SMARCC1: variants seen among roughly 807,000 people sequenced by gnomAD.
SMARCC1 encodes the protein SWI/SNF complex subunit SMARCC1.
Under a neutral mutation model 147.4 loss-of-function variants are expected in SMARCC1, and 43 were observed. That is an observed-to-expected ratio of 0.29 (90% CI 0.23 to 0.38). The LOEUF (loss-of-function observed/expected upper bound fraction) is 0.38. Ranked by LOEUF, SMARCC1 falls within the 10% of genes least tolerant of loss-of-function variation. The pLI is 1.00. For missense variants in SMARCC1, 1,119 were observed against 1,381.1 expected (o/e 0.81, Z 3.01); for synonymous variants, 495 against 484.4 (o/e 1.02, Z -0.29).
chr3:47,778,428 T>A (rs113001293), intron 1 of SMARCC1, among the ~76,000 whole-genome samples: 6,323 of 151,956 alleles, frequency 0.042, 443 homozygotes, highest in African/African-American at 0.14. Context: ...CCAAGGACCC[T>A]GCCTCAGCCA....
intron 2 of SMARCC1, among the ~76,000 whole-genome samples, chr3:47,752,168 A>T (rs1463273290): frequency 6.6e-6 from 1 of 152,216 alleles, no homozygotes; most frequent in Non-Finnish European, 1.5e-5. Context: ...CCATACATCA[A>T]GGATTCTTAC....
intron 21 of SMARCC1, among the ~76,000 whole-genome samples, chr3:47,640,255 G>GA (rs1029684855): frequency 1.5e-4 from 23 of 151,044 alleles, no homozygotes; most frequent in African/African-American, 5.1e-4. Context: ...AAAGAAAATA[G>GA]AAAAAAAATA....
chr3:47,631,316 A>G (rs2032887376), intron 24 of SMARCC1, among the ~76,000 whole-genome samples: 1 of 152,200 alleles, frequency 6.6e-6, no homozygotes, highest in East Asian at 1.9e-4. Flanking sequence ...AAACGTATAT[A>G]TGAGGTGGTT....
At chr3:47,691,421 C>T (rs1293874064) in intron 12 of SMARCC1, among the ~76,000 whole-genome samples, 1 of 151,748 alleles carries the variant, frequency 6.6e-6, no homozygotes, top group Admixed American at 6.6e-5. Context: ...CAAGACCAAC[C>T]TGGCCAACAT....
At chr3:47,637,887 A>G (rs1265784849) in intron 22 of SMARCC1, among the ~76,000 whole-genome samples, 3 of 152,206 alleles carry the variant, frequency 2.0e-5, no homozygotes, top group African/African-American at 7.2e-5. Flanking sequence ...ACTAGTGGGA[A>G]TCTTTGATTT....
chr3:47,703,833 G>A (rs945894765), intron 10 of SMARCC1, among the ~76,000 whole-genome samples: 1 of 152,156 alleles, frequency 6.6e-6, no homozygotes, highest in Admixed American at 6.6e-5. Flanking sequence ...GTCTTCCTCT[G>A]TCACCCAGGC....
intron 17 of SMARCC1, 142 bp downstream of exon 17, chr3:47,676,487 C>A: frequency 3.1e-6 from 2 of 651,036 alleles, no homozygotes; most frequent in Non-Finnish European, 5.1e-6. Context: ...TTACAGTACA[C>A]CAAAATACAC....
intron 19 of SMARCC1, among the ~76,000 whole-genome samples, chr3:47,665,852 CTTT>C (rs764505361): frequency 2.1e-5 from 3 of 143,114 alleles, no homozygotes; most frequent in Non-Finnish European, 1.5e-5. Context: ...CACTCACTCT[CTTT>C]TTTTTTTTTT....
intron 2 of SMARCC1, among the ~76,000 whole-genome samples, chr3:47,757,951 G>A (rs1468803730): frequency 6.6e-6 from 1 of 151,912 alleles, no homozygotes; most frequent in Non-Finnish European, 1.5e-5. Context: ...ACAACCAAAA[G>A]AAACATCTAA....
intron 19 of SMARCC1, chr3:47,663,786 C>T: frequency 6.3e-7 from 1 of 1,577,890 alleles, no homozygotes. Context: ...GCCACGGCGG[C>T]CGCCCTCACC....
At chr3:47,686,861 TG>T (rs1239313509) in intron 13 of SMARCC1, among the ~76,000 whole-genome samples, 1 of 152,132 alleles carries the variant, frequency 6.6e-6, no homozygotes, top group African/African-American at 2.4e-5. Flanking sequence ...GGTACATGCC[TG>T]TAGTCCCAGC....
intron 19 of SMARCC1, among the ~76,000 whole-genome samples, chr3:47,664,909 T>C (rs1214286767): frequency 6.6e-6 from 1 of 151,874 alleles, no homozygotes; most frequent in African/African-American, 2.4e-5. Context: ...TAGAGCCTAA[T>C]TTGCTGCTCT....
At chr3:47,673,081 A>G (rs1001638742) in intron 18 of SMARCC1, among the ~76,000 whole-genome samples, 9 of 152,088 alleles carry the variant, frequency 5.9e-5, no homozygotes, top group Non-Finnish European at 1.2e-4. Context: ...ATATGATTTT[A>G]AAATATTTTT....
chr3:47,643,563 G>A (rs760214214), intron 21 of SMARCC1, among the ~76,000 whole-genome samples: 1 of 151,754 alleles, frequency 6.6e-6, no homozygotes, highest in Admixed American at 6.6e-5. Context: ...AGTCTGACAC[G>A]GTCATTTAGA....
intron 11 of SMARCC1, 142 bp from the exon 12 acceptor site, chr3:47,693,442 A>G (rs190280081): frequency 4.3e-5 from 26 of 607,100 alleles, no homozygotes; most frequent in African/African-American, 4.1e-4. Context: ...GGTAAAAATC[A>G]TAAGCCCAGC....
At chr3:47,727,009 A>G (rs1258449496) in intron 6 of SMARCC1, among the ~76,000 whole-genome samples, 1 of 151,982 alleles carries the variant, frequency 6.6e-6, no homozygotes, top group Non-Finnish European at 1.5e-5. Context: ...CAGGAGTTTG[A>G]GACAAGCCTG....
In SMARCC1 at chr3:47,693,277, T is replaced by G; in HGVS notation, c.1189A>C (p.Asn397His). ...ACAGTTCCTCCTTTAACAGGTGTAT[T>G]TTCACTATCTTTCTTTAGGTTCACT... The part of the protein sequence containing the change: ...KNVNLKKDSE[N>H]TPVKGGTVAD... Residue 397 changes from asparagine to histidine, a missense_variant, in exon 12 of 28, where the codon AAT becomes CAT. Transcript: ENST00000254480. 1.9e-6 allele frequency: 3 copies of G among 1,589,022 alleles called. No homozygotes were observed. Among genetic ancestry groups the G allele is most frequent in the Non-Finnish European group, 2.6e-6 (3 of 1,157,310 alleles).
At chr3:47,605,356 G>A (rs528583156) in intron 26 of SMARCC1, among the ~76,000 whole-genome samples, 2 of 152,328 alleles carry the variant, frequency 1.3e-5, no homozygotes, top group African/African-American at 4.8e-5. Flanking sequence ...TCAGTCAAAT[G>A]TCCAACAGAA....
At position 47,752,912 on chromosome 3, in the gene SMARCC1, C is replaced by T. The variant is rs543517200; in HGVS notation, c.316-6919G>A. ...GCTGCCTCTACTCTCAACTGTGTGA[C>T]CCAATTGCTTTTAATAAACAATTCT... On this transcript the variant is annotated intron_variant, in intron 2 of 27. Coordinates refer to ENST00000254480, the MANE Select transcript of SMARCC1 (RefSeq NM_003074.4). 2.6e-5 allele frequency among the ~76,000 whole-genome samples: 4 copies of T among 152,252 alleles called. No individual in the cohort carries two copies. In the South Asian group the frequency reaches 8.3e-4, roughly 32 times the overall value.
Sources: gnomAD v4.1 joint callset for allele counts (sites outside exome capture counted in the v4.1 genomes callset) on GRCh38, gnomAD v4.1.1 for gene constraint, MANE v1.5 for transcripts, NCBI Gene and HGNC (gene_info 2026-07-23, HGNC 2026-07-21) for gene names.